Variants in ITGA9 observed in about 807,000 individuals in gnomAD.
The protein encoded by ITGA9 is integrin alpha-9.
In ITGA9, 56 loss-of-function variants were observed where a neutral mutation model predicts 127.8. That is an observed-to-expected ratio of 0.44 (90% CI 0.35 to 0.55). ITGA9 has a LOEUF of 0.55. Among genes scored for constraint, ITGA9 ranks in the 20% least tolerant of loss-of-function variants. ITGA9 has a pLI of 0.00. For synonymous variants in ITGA9, 508 were observed against 514.5 expected (o/e 0.99, Z 0.17); for missense variants, 1,196 against 1,347.1 (o/e 0.89, Z 1.76).
At chr3:37,565,805 C>T (rs993359347) in intron 15 of ITGA9, among the ~76,000 whole-genome samples, 4 of 152,202 alleles carry the variant, frequency 2.6e-5, no homozygotes, top group Admixed American at 6.5e-5. Context: ...AACATTCCCA[C>T]GTGATGCTGC....
chr3:37,522,757 T>A (rs1478253184), intron 11 of ITGA9, among the ~76,000 whole-genome samples: 3 of 152,006 alleles, frequency 2.0e-5, no homozygotes. Context: ...TTTTTGTTTT[T>A]AAAAAACATA....
At chr3:37,650,510 C>T (rs1700419629) in intron 16 of ITGA9, among the ~76,000 whole-genome samples, 1 of 152,106 alleles carries the variant, frequency 6.6e-6, no homozygotes, top group Non-Finnish European at 1.5e-5. Flanking sequence ...CGGCTCACTG[C>T]ACCCTCTCTC....
chr3:37,719,580 GACAGTTCGCC>G (rs1701169151), intron 18 of ITGA9, among the ~76,000 whole-genome samples: 1 of 152,266 alleles, frequency 6.6e-6, no homozygotes, highest in Admixed American at 6.5e-5. Flanking sequence ...GGCCGCCTAT[GACAGTTCGCC>G]ATAGGCGAAC....
chr3:37,583,205 G>C (rs1003605442), intron 15 of ITGA9, among the ~76,000 whole-genome samples: 3 of 152,162 alleles, frequency 2.0e-5, no homozygotes, highest in Admixed American at 1.3e-4. Flanking sequence ...TTTCTTTTCT[G>C]GAGAGGTGTC....
chr3:37,544,027 T>G (rs1467265746), intron 15 of ITGA9, among the ~76,000 whole-genome samples: 1 of 152,252 alleles, frequency 6.6e-6, no homozygotes, highest in Non-Finnish European at 1.5e-5. Flanking sequence ...ATGCAAACAC[T>G]GTCAGGCCTT....
intron 18 of ITGA9, among the ~76,000 whole-genome samples, chr3:37,699,222 A>G (rs1700919951): frequency 1.3e-5 from 2 of 151,664 alleles, no homozygotes; most frequent in Admixed American, 6.6e-5. Flanking sequence ...CATGCTGACA[A>G]CTCCCAAATT....
At chr3:37,505,645 A>C (rs1698832480) in intron 6 of ITGA9, among the ~76,000 whole-genome samples, 1 of 152,208 alleles carries the variant, frequency 6.6e-6, no homozygotes, top group African/African-American at 2.4e-5. Flanking sequence ...TGGTGGTTGC[A>C]TGGCTACGCT....
chr3:37,581,640 T>G (rs927498084), intron 15 of ITGA9, among the ~76,000 whole-genome samples: 64 of 152,308 alleles, frequency 4.2e-4, no homozygotes, highest in African/African-American at 1.5e-3. Flanking sequence ...TTGAGCAAGA[T>G]CTGGAAAGCA....
chr3:37,640,259 T>C (rs1025072832), intron 16 of ITGA9, among the ~76,000 whole-genome samples: 1 of 152,140 alleles, frequency 6.6e-6, no homozygotes, highest in African/African-American at 2.4e-5. Context: ...GAGCCCTTAA[T>C]AGCAGCAAAC....
intron 15 of ITGA9, among the ~76,000 whole-genome samples, chr3:37,586,012 G>A (rs557258067): frequency 1.3e-5 from 2 of 152,334 alleles, no homozygotes; most frequent in South Asian, 4.1e-4. Context: ...CTGAGGAGAC[G>A]TGCCATGATG....
At chr3:37,746,364 A>G (rs1385017987) in intron 22 of ITGA9, among the ~76,000 whole-genome samples, 3 of 152,214 alleles carry the variant, frequency 2.0e-5, no homozygotes, top group Non-Finnish European at 4.4e-5. Context: ...ACATTTCATC[A>G]TAGTTTTTAA....
chr3:37,568,096 T>C (rs956393254), intron 15 of ITGA9, among the ~76,000 whole-genome samples: 1 of 152,292 alleles, frequency 6.6e-6, no homozygotes, highest in African/African-American at 2.4e-5. Context: ...GCAGCAGATT[T>C]CTGCCTGGGC....
At chr3:37,627,221 A>G (rs367920730) in intron 15 of ITGA9, among the ~76,000 whole-genome samples, 1 of 152,304 alleles carries the variant, frequency 6.6e-6, no homozygotes, top group East Asian at 1.9e-4. Context: ...GTTTTCCTGA[A>G]CACCAGTAAA....
At chr3:37,614,596 AGCAT>A (rs1264122033) in intron 15 of ITGA9, among the ~76,000 whole-genome samples, 1 of 152,026 alleles carries the variant, frequency 6.6e-6, no homozygotes, top group Admixed American at 6.5e-5. Context: ...CCTACCCATG[AGCAT>A]GGAATGTTCT....
rs1700455091 is a variant in ITGA9 at position 37,654,190 on chromosome 3, C to CACACACACA, written c.1916+400_1916+401insACACACACA. 1.6e-3 allele frequency among the ~76,000 whole-genome samples: 228 copies of CACACACACA among 146,402 alleles called. 4 individuals are homozygous for CACACACACA. The highest frequency in any genetic ancestry group is 5.7e-3 in the African/African-American group (223 of 39,368). On this transcript the variant is annotated intron_variant, in intron 17 of 27. Transcript: ENST00000264741. Reference sequence around the variant, plus strand: ...AATAAAGGTTTATGCCCTCCTGCCTCCACACACACACACACACACACACAC... The same window carrying CACACACACA: ...AATAAAGGTTTATGCCCTCCTGCCTCACACACACACACACACACACACACACACACACAC...
intron 27 of ITGA9, among the ~76,000 whole-genome samples, chr3:37,813,404 A>C (rs1254449028): frequency 6.6e-6 from 1 of 152,184 alleles, no homozygotes; most frequent in East Asian, 1.9e-4. Context: ...TTTATATTTT[A>C]TCTTTAGCCA....
chr3:37,741,739 G>A lies in ITGA9; in HGVS notation c.2244G>A (p.Thr748=), dbSNP rs190329901. The A allele has an allele frequency of 3.7e-6, 6 of 1,613,498 alleles. No individual in the cohort carries two copies. The highest frequency in any genetic ancestry group is 2.2e-5 in the East Asian group (1 of 44,858). Residue 748 remains threonine (T), a synonymous_variant, in exon 21 of 28, where the codon ACG becomes ACA. Transcript: ENST00000264741. ...SFIVTAQSGN[T]ERSESLHDNT... is the part of the protein sequence containing the mutation. Reference sequence around the variant, plus strand: ...TCCTCTCTCTGCACAGTGGCAACACGGAGCGCTCTGAATCCCTGCATGACA... The same window carrying A: ...TCCTCTCTCTGCACAGTGGCAACACAGAGCGCTCTGAATCCCTGCATGACA...
At chr3:37,539,550 T>C (rs1699245879) in intron 14 of ITGA9, among the ~76,000 whole-genome samples, 2 of 152,218 alleles carry the variant, frequency 1.3e-5, no homozygotes, top group African/African-American at 2.4e-5. Flanking sequence ...CTAAAAGCAG[T>C]TTATTTTTTT....
At chr3:37,713,550 A>G (rs1163892873) in intron 18 of ITGA9, among the ~76,000 whole-genome samples, 2 of 152,156 alleles carry the variant, frequency 1.3e-5, no homozygotes, top group Non-Finnish European at 2.9e-5. Context: ...CCAAATAAGC[A>G]GAAAGTCTGA....
Sources: allele counts gnomAD v4.1 joint callset (sites outside exome capture counted in the v4.1 genomes callset), GRCh38; gene constraint gnomAD v4.1.1; transcripts MANE v1.5; gene names NCBI Gene and HGNC (gene_info 2026-07-23, HGNC 2026-07-21).